Variants in ECH1 observed in about 807,000 individuals in gnomAD.
The protein encoded by ECH1 is delta(3,5)-Delta(2,4)-dienoyl-CoA isomerase, mitochondrial.
In ECH1, 30 loss-of-function variants were observed where a neutral mutation model predicts 37.0. That is an observed-to-expected ratio of 0.81 (90% CI 0.61 to 1.10). ECH1 has a LOEUF of 1.10. Ranked by LOEUF, ECH1 falls within the 50% of genes least tolerant of loss-of-function variation. ECH1 has a pLI of 0.00. For missense variants in ECH1, 456 were observed against 441.6 expected (o/e 1.03, Z -0.29); for synonymous variants, 178 against 176.0 (o/e 1.01, Z -0.09).
chr19:38,829,447 C>T (rs1568361753), intron 3 of ECH1, among the ~76,000 whole-genome samples: 4 of 147,594 alleles, frequency 2.7e-5, no homozygotes, highest in African/African-American at 1.0e-4. Context: ...GGTGACAAAG[C>T]GAGACTCTGT....
rs374372967 is a variant in ECH1, at chr19:38,817,505, C to G, written c.420G>C (p.Trp140Cys). 3.3e-5 allele frequency: 54 copies of G among 1,613,828 alleles called. No individual in the cohort carries two copies. The highest frequency in any genetic ancestry group is 4.3e-5 in the Non-Finnish European group (51 of 1,179,940). Residue 140 changes from tryptophan to cysteine, a missense_variant, in exon 4 of 10, where the codon TGG becomes TGC. By Grantham distance (215) the Trp-to-Cys change is radical (BLOSUM62 -2). Coordinates refer to ENST00000221418, the MANE Select transcript of ECH1 (RefSeq NM_001398.3). ...ATCGAGTGATGATGTCACGGAGGTA[C>G]CAGCTGATCCGGGCCACATCATCTC... ...PKGDDVARIS[W>C]YLRDIITRYQ... is the part of the protein sequence containing the mutation.
At chr19:38,829,587 G>T (rs1971788342) in intron 3 of ECH1, among the ~76,000 whole-genome samples, 1 of 152,162 alleles carries the variant, frequency 6.6e-6, no homozygotes, top group Admixed American at 6.5e-5. Flanking sequence ...GGAGGCCGAG[G>T]CGGGCAGATC....
At chr19:38,817,218 G>A in intron 5 of ECH1, 89 bp from the exon 6 acceptor site, 1 of 1,546,550 alleles carries the variant, frequency 6.5e-7, no homozygotes, top group South Asian at 1.2e-5. Context: ...ACACAGTCTG[G>A]CCCATGACAG....
At chr19:38,819,820 T>C (rs940974267) in intron 3 of ECH1, among the ~76,000 whole-genome samples, 3 of 151,818 alleles carry the variant, frequency 2.0e-5, no homozygotes, top group Non-Finnish European at 4.4e-5. Context: ...AGGCTGGGCA[T>C]GGTCACCTGT....
intron 3 of ECH1, chr19:38,818,294 A>G: frequency 1.0e-6 from 1 of 985,346 alleles, no homozygotes; most frequent in South Asian, 4.7e-5. Context: ...TCCTGAGATG[A>G]GAAACATCTC....
intron 3 of ECH1, among the ~76,000 whole-genome samples, chr19:38,829,723 G>T (rs1466539679): frequency 6.7e-6 from 1 of 149,730 alleles, no homozygotes; most frequent in Non-Finnish European, 1.5e-5. Flanking sequence ...GGCTGAGGCA[G>T]AAGAATGGCC....
rs745668987 is a variant in ECH1, at chr19:38,815,703, C to T, written c.897G>A (p.Met299Ile). 1.2e-5 allele frequency: 19 copies of T among 1,614,158 alleles called. No homozygotes were observed. Among genetic ancestry groups the T allele is most frequent in the Admixed American group, 1.7e-5 (1 of 60,018 alleles). Residue 299 changes from methionine (M) to isoleucine (I), a missense_variant, in exon 10 of 10, where the codon ATG (methionine) becomes ATA (isoleucine). Coordinates refer to ENST00000221418, the MANE Select transcript of ECH1 (RefSeq NM_001398.3). Reference protein sequence around the residue: ...ESLNYVASWNMSMLQTQDLVK... With the variant: ...ESLNYVASWNISMLQTQDLVK... The stretch of plus-strand genomic sequence containing the variant: ...CGAGGTCTTGGGTCTGCAGCATGCT[C>T]ATGTTCCAGGACGCCTGGTACCGAG...
chr19:38,822,845 C>G (rs1971684043), intron 3 of ECH1: 1 of 152,304 alleles, frequency 6.6e-6, no homozygotes, highest in Non-Finnish European at 1.5e-5. Flanking sequence ...GCAGTGGCAA[C>G]CCACTCACGT....
At chr19:38,819,238 T>C in intron 3 of ECH1, 1 of 985,096 alleles carries the variant, frequency 1.0e-6, no homozygotes, top group Non-Finnish European at 1.2e-6. Flanking sequence ...TGACCTTGAG[T>C]AAAGACCCAG....
intron 3 of ECH1, among the ~76,000 whole-genome samples, chr19:38,826,519 G>C (rs1018863601): frequency 5.3e-5 from 8 of 152,240 alleles, no homozygotes; most frequent in African/African-American, 1.9e-4. Flanking sequence ...GTGGAGACTA[G>C]TGCAAGATCT....
At chr19:38,818,774 C>T (rs1383485282) in intron 3 of ECH1, among the ~76,000 whole-genome samples, 1 of 152,228 alleles carries the variant, frequency 6.6e-6, no homozygotes, top group Non-Finnish European at 1.5e-5. Context: ...GCGTGAGCCA[C>T]CGTGCCCGGC....
chr19:38,817,220 C>A, intron 5 of ECH1, 91 bp from the exon 6 acceptor site: 5 of 1,546,226 alleles, frequency 3.2e-6, no homozygotes, highest in Non-Finnish European at 4.4e-6. Context: ...ACAGTCTGGC[C>A]CATGACAGAG....
intron 6 of ECH1, 44 bp downstream of exon 6, chr19:38,817,021 C>T (rs894136538): frequency 1.3e-5 from 20 of 1,551,334 alleles, no homozygotes; most frequent in Non-Finnish European, 1.7e-5. Flanking sequence ...CCCAACCTCA[C>T]CCCACTGCCC....
At position 38,815,915 on chromosome 19, in the gene ECH1, G is replaced by A. The variant is rs1272741404; in HGVS notation, c.824C>T (p.Thr275Ile). 1.2e-6 allele frequency: 2 copies of A among 1,614,206 alleles called. No homozygotes were observed. The highest frequency in any genetic ancestry group is 1.7e-5 in the Admixed American group (1 of 60,024). The change falls in exon 9 of 10, where the codon ACC (threonine) becomes ATC (isoleucine). Residue 275 changes from threonine to isoleucine, a missense_variant. Transcript: ENST00000221418. ...GCGGGAATACAGCAGGTTGACCTTG[G>A]TGCTCTGCACCGCCACGGGGCTCTT... ...SSKSPVAVQS[T>I]KVNLLYSRDH...
At position 38,817,381 on chromosome 19, in the gene ECH1, A is replaced by G. The variant is rs759998670; in HGVS notation, c.475-17T>C. The G allele has an allele frequency of 6.2e-7, 1 of 1,602,622 alleles. No individual in the cohort carries two copies. The highest frequency in any genetic ancestry group is 8.5e-7 in the Non-Finnish European group (1 of 1,174,702). ...CTTGGGGCACTGAGAGGGAACAGGA[A>G]GAGTGGGGTCAGGGCTGGCCCAGGG... On this transcript the variant is annotated splice_polypyrimidine_tract_variant and intron_variant, in intron 4 of 9. Coordinates refer to ENST00000221418, the MANE Select transcript of ECH1 (RefSeq NM_001398.3).
chr19:38,828,504 T>C (rs1179249063), intron 3 of ECH1, among the ~76,000 whole-genome samples: 1 of 152,166 alleles, frequency 6.6e-6, no homozygotes, highest in African/African-American at 2.4e-5. Context: ...AGTGCTGGGA[T>C]TACAGGCATG....
intron 3 of ECH1, among the ~76,000 whole-genome samples, chr19:38,823,580 G>C (rs191787710): frequency 6.6e-6 from 1 of 152,320 alleles, no homozygotes; most frequent in Non-Finnish European, 1.5e-5. Context: ...TTGGAGTTGG[G>C]AGCGTTGGTT....
At position 38,815,957 on chromosome 19, in the gene ECH1, G is replaced by C; in HGVS notation, c.782C>G (p.Ala261Gly). Residue 261 changes from alanine (A) to glycine (G), a missense_variant, in exon 9 of 10, where the codon GCG (alanine) becomes GGG (glycine). By Grantham distance (60) the Ala-to-Gly change is moderately conservative. Coordinates refer to ENST00000221418, the MANE Select transcript of ECH1 (RefSeq NM_001398.3). ...GGGGCTCTTGCTGGAAATCTCGGCCGCCAGCGCTAAGGCAGCATCCAGCAT... is the reference window on the plus strand; with the variant it reads ...GGGGCTCTTGCTGGAAATCTCGGCCCCCAGCGCTAAGGCAGCATCCAGCAT... The part of the protein sequence containing the change: ...EVMLDAALAL[A>G]AEISSKSPVA... The C allele has an allele frequency of 3.7e-6, 6 of 1,614,086 alleles. No homozygotes were observed. The highest frequency in any genetic ancestry group is 5.1e-6 in the Non-Finnish European group (6 of 1,180,028).
rs759348377 is a variant in ECH1 at position 38,817,600 on chromosome 19, C to A, written c.350-25G>T. On this transcript the variant is annotated intron_variant, in intron 3 of 9. Coordinates refer to ENST00000221418, the MANE Select transcript of ECH1 (RefSeq NM_001398.3). ...CCTGGTGAGAAGGCATGATGGAGCTCATCCAGGCTCCCAGGCCCCACCCAT... is the reference window on the plus strand; with the variant it reads ...CCTGGTGAGAAGGCATGATGGAGCTAATCCAGGCTCCCAGGCCCCACCCAT... The A allele has an allele frequency of 1.9e-6, 3 of 1,569,914 alleles. No homozygotes were observed. The East Asian group carries it at 6.8e-5, about 36-fold the overall frequency.
Sources: allele counts gnomAD v4.1 joint callset (sites outside exome capture counted in the v4.1 genomes callset), GRCh38; gene constraint gnomAD v4.1.1; transcripts MANE v1.5; gene names NCBI Gene and HGNC (gene_info 2026-07-23, HGNC 2026-07-21).